IGF2R: variants seen among roughly 807,000 people sequenced by gnomAD.
IGF2R encodes cation-independent mannose-6-phosphate receptor.
A neutral mutation model predicts 270.6 loss-of-function variants in IGF2R; 91 were observed. The observed-to-expected ratio is 0.34, with a 90% confidence interval of 0.28 to 0.40. IGF2R has a LOEUF of 0.40. IGF2R is among the 10% of genes least tolerant of loss of function. The pLI, the probability that IGF2R is intolerant of heterozygous loss-of-function variation, is 1.00. For synonymous variants in IGF2R, 1,316 were observed against 1,258.9 expected, an observed-to-expected ratio of 1.05 and a Z score of -0.96; for missense variants, 2,805 against 3,188.3, an observed-to-expected ratio of 0.88 and a Z score of 2.90.
At chr6:159,980,237 A>AAGGAAGGT (rs1554234706) in intron 1 of IGF2R, among the ~76,000 whole-genome samples, 2 of 143,942 alleles carry the variant, frequency 1.4e-5, no homozygotes, top group Admixed American at 6.9e-5. Flanking sequence ...GAAAGAAAGA[A>AAGGAAGGT]AGGTACATGG....
chr6:160,022,687 A>G lies in IGF2R; in HGVS notation c.514-1885A>G, dbSNP rs1051192634. ...AAGGAGCCCCTATTATAGTGGGGGG[A>G]AAATGACAAAAGTCAACAGATGGCA... On this transcript the variant is annotated intron_variant, in intron 4 of 47. Coordinates refer to ENST00000356956, the MANE Select transcript of IGF2R (RefSeq NM_000876.4). Among the ~76,000 whole-genome samples the G allele has an allele frequency of 4.6e-5, 7 of 152,138 alleles. No individual in the cohort carries two copies. In the East Asian group the frequency reaches 7.7e-4, roughly 17 times the overall value.
At chr6:159,991,019 C>T (rs1291989216) in intron 1 of IGF2R, among the ~76,000 whole-genome samples, 165 bp from the exon 2 acceptor site, 2 of 152,222 alleles carry the variant, frequency 1.3e-5, no homozygotes, top group African/African-American at 2.4e-5. Flanking sequence ...TCTGCCCTGG[C>T]TTCTTTGCAA....
Position 160,073,937 on chromosome 6 carries a change from G to A in IGF2R, c.5128G>A (p.Ala1710Thr), listed in dbSNP as rs185442936. 82 of 1,613,938 alleles carry A rather than the reference G, an allele frequency of 5.1e-5. 1 individual carries two copies. The African/African-American group carries it at 1.0e-3, about 20-fold the overall frequency. Residue 1710 changes from alanine to threonine, a missense_variant, in exon 35 of 48, where the codon GCC becomes ACC. Physicochemically the swap from Ala to Thr is moderately conservative, Grantham distance 58. This residue lies in a region of IGF2R where 1,851 missense variants were observed against 2,207.2 expected (regional missense o/e 0.84). Coordinates refer to ENST00000356956, the MANE Select transcript of IGF2R (RefSeq NM_000876.4). Reference sequence around the variant, plus strand: ...GCACGGAGTGCCCTGTCCTGCCGGAGCCGCTGTGTGCAAAGTTCCTATTGA... The same window carrying A: ...GCACGGAGTGCCCTGTCCTGCCGGAACCGCTGTGTGCAAAGTTCCTATTGA... ...PMHGVPCPAG[A>T]AVCKVPIDGP...
At chr6:160,091,411 G>A (rs1160063279) in intron 44 of IGF2R, among the ~76,000 whole-genome samples, 1 of 152,184 alleles carries the variant, frequency 6.6e-6, no homozygotes, top group African/African-American at 2.4e-5. Context: ...CCGTGCCCTG[G>A]TGCTGAGTGC....
intron 44 of IGF2R, chr6:160,093,467 G>C: frequency 2.1e-6 from 1 of 482,244 alleles, no homozygotes; most frequent in Non-Finnish European, 3.9e-6. Flanking sequence ...AGTTTGAGGA[G>C]ATCAAGAAGG....
intron 1 of IGF2R, among the ~76,000 whole-genome samples, chr6:159,983,419 C>T (rs1230806158): frequency 5.3e-5 from 8 of 152,150 alleles, no homozygotes; most frequent in Non-Finnish European, 8.8e-5. Flanking sequence ...TCTGAACAGG[C>T]GTGGACTGAC....
At chr6:159,971,118 C>T (rs1389670769) in intron 1 of IGF2R, among the ~76,000 whole-genome samples, 1 of 152,190 alleles carries the variant, frequency 6.6e-6, no homozygotes, top group African/African-American at 2.4e-5. Flanking sequence ...ATTAACCCAG[C>T]TGGCCTAGTG....
chr6:160,048,272 C>A (rs571822196), intron 17 of IGF2R, 103 bp from the exon 18 acceptor site: 2 of 1,091,644 alleles, frequency 1.8e-6, no homozygotes, highest in South Asian at 2.7e-5. Context: ...ATTGGTGGAG[C>A]ATGTTTTATT....
rs543863618 is a variant in IGF2R at position 160,090,927 on chromosome 6, C to T, written c.6655+824C>T. The stretch of plus-strand genomic sequence containing the variant: ...CATCGCCGAGAAGGAGCAGGTGCTC[C>T]GTGCCCTGGTGCTGAGCGCATCGCC... On this transcript the variant is annotated intron_variant, in intron 44 of 47. Transcript: ENST00000356956. Among the ~76,000 whole-genome samples the T allele has an allele frequency of 1.1e-4, 14 of 123,182 alleles. No individual in the cohort carries two copies. In the South Asian group the frequency reaches 1.4e-3, roughly 12 times the overall value. 80.8% of individuals were successfully genotyped at this position (123,182 alleles called of 152,430 possible). A position where few individuals can be genotyped will look rare whatever the true frequency, so the allele number is the denominator to read the frequency against.
At chr6:160,061,384 T>C in intron 23 of IGF2R, 119 bp from the exon 24 acceptor site, 5 of 891,640 alleles carry the variant, frequency 5.6e-6, no homozygotes, top group Admixed American at 2.3e-5. Flanking sequence ...GATTTCCTTA[T>C]CCTCACAGTT....
chr6:160,063,254 G>A (rs952765635), intron 26 of IGF2R, among the ~76,000 whole-genome samples, 161 bp from the exon 27 acceptor site: 5 of 151,972 alleles, frequency 3.3e-5, no homozygotes, highest in African/African-American at 1.2e-4. Flanking sequence ...GGCCAGGATG[G>A]TCTAGATCTC....
chr6:160,045,820 C>T lies in IGF2R; in HGVS notation c.1841C>T (p.Ala614Val), dbSNP rs770975694. ...TTTTATGAGTTTGAGTGGCACACAG[C>T]TGCGGCCTGTGTGCTGTCTAAGACA... ...GCFYEFEWHT[A>V]AACVLSKTEG... Residue 614 changes from alanine to valine, a missense_variant, in exon 14 of 48, where the codon GCT (alanine) becomes GTT (valine). Physicochemically the swap from Ala to Val is moderately conservative, Grantham distance 64. Coordinates refer to ENST00000356956, the MANE Select transcript of IGF2R (RefSeq NM_000876.4). The T allele has an allele frequency of 6.2e-7, 1 of 1,612,724 alleles. No individual in the cohort carries two copies. Among genetic ancestry groups the T allele is most frequent in the South Asian group, 1.1e-5 (1 of 90,972 alleles).
chr6:160,073,084 C>G, intron 33 of IGF2R, 129 bp from the exon 34 acceptor site: 1 of 1,399,792 alleles, frequency 7.1e-7, no homozygotes, highest in Middle Eastern at 2.1e-4. Flanking sequence ...ATGGTTAAAG[C>G]CGGATTGGAC....
chr6:160,063,745 A>AC (rs1394125449), intron 27 of IGF2R, 115 bp downstream of exon 27: 1 of 709,340 alleles, frequency 1.4e-6, no homozygotes, highest in African/African-American at 1.8e-5. Context: ...CTACTGTAAA[A>AC]AAAAAAAAAA....
intron 29 of IGF2R, 35 bp from the exon 30 acceptor site, chr6:160,068,214 C>T: frequency 6.2e-7 from 1 of 1,611,958 alleles, no homozygotes; most frequent in Non-Finnish European, 8.5e-7. Context: ...AGAATACGAC[C>T]AAGCCTAACT....
In IGF2R at chr6:160,104,794, G is replaced by C; in HGVS notation, c.7186G>C (p.Val2396Leu). 6.2e-7 allele frequency: 1 copy of C among 1,614,212 alleles called. No individual in the cohort carries two copies. Among genetic ancestry groups the C allele is most frequent in the Non-Finnish European group, 8.5e-7 (1 of 1,180,042 alleles). Residue 2396 changes from valine (V) to leucine (L), a missense_variant, in exon 48 of 48, where the codon GTG (valine) becomes CTG (leucine). Physicochemically the swap from Val to Leu is conservative, Grantham distance 32. This residue lies in a region of IGF2R where 1,851 missense variants were observed against 2,207.2 expected (regional missense o/e 0.84). Transcript: ENST00000356956. ...QENGHITTKS[V>L]KALSSLHGDD... ...GAACGGCCATATTACCACCAAGTCA[G>C]TGAAAGCCCTCAGCTCCCTGCATGG...
chr6:159,988,846 C>T (rs1783931991), intron 1 of IGF2R, among the ~76,000 whole-genome samples: 1 of 152,086 alleles, frequency 6.6e-6, no homozygotes. Flanking sequence ...CATTGCTGTA[C>T]TCTCCTGTGC....
intron 4 of IGF2R, among the ~76,000 whole-genome samples, chr6:160,019,340 A>G (rs1191627586): frequency 6.6e-6 from 1 of 152,130 alleles, no homozygotes; most frequent in Non-Finnish European, 1.5e-5. Flanking sequence ...AAACCTCCCA[A>G]CAAAAAAAGC....
chr6:160,083,959 A>T lies in IGF2R; in HGVS notation c.5843A>T (p.Tyr1948Phe), dbSNP rs775356549. 1 of 1,612,974 alleles carries T rather than the reference A, an allele frequency of 6.2e-7. No individual in the cohort carries two copies. Among genetic ancestry groups the T allele is most frequent in the Admixed American group, 1.7e-5 (1 of 60,016 alleles). ...TCCCTACACTCCCCAGCAAACAGCT[A>T]CCGGACATCCAGCATCATATTTAAG... Reference protein sequence around the residue: ...EWGFCRHSNSYRTSSIIFKCD... With the variant: ...EWGFCRHSNSFRTSSIIFKCD... Residue 1948 changes from tyrosine to phenylalanine, a missense_variant, in exon 40 of 48, where the codon TAC becomes TTC. Physicochemically the swap from Tyr to Phe is conservative, Grantham distance 22. This residue lies in a region of IGF2R where 1,851 missense variants were observed against 2,207.2 expected (regional missense o/e 0.84). Coordinates refer to ENST00000356956, the MANE Select transcript of IGF2R (RefSeq NM_000876.4).
Sources: gnomAD v4.1 joint callset for allele counts (sites outside exome capture counted in the v4.1 genomes callset) on GRCh38, gnomAD v4.1.1 for gene constraint, gnomAD v4.1.1 regional missense constraint, MANE v1.5 for transcripts, NCBI Gene and HGNC (gene_info 2026-07-23, HGNC 2026-07-21) for gene names.